The following AKAIN1 variants were observed in gnomAD, a reference collection of about 807,000 sequenced individuals.
AKAIN1 encodes A-kinase anchor protein inhibitor 1.
AKAIN1 carries 3 observed loss-of-function variants against 3.7 expected under a neutral mutation model. The observed-to-expected ratio is 0.82, with a 90% CI of 0.37 to 2.12. AKAIN1 has a LOEUF of 2.12. AKAIN1 is among the 30% of genes most tolerant of loss of function. The pLI, the probability that AKAIN1 is intolerant of heterozygous loss-of-function variation, is 0.06. For missense variants in AKAIN1, 82 were observed against 82.7 expected (o/e 0.99, Z 0.03); for synonymous variants, 31 against 30.8 (o/e 1.01, Z -0.02).
At chr18:5,189,428 T>C (rs2071306464) in intron 1 of AKAIN1, among the ~76,000 whole-genome samples, 1 of 152,232 alleles carries the variant, frequency 6.6e-6, no homozygotes, top group Admixed American at 6.5e-5. Flanking sequence ...TTCAAATTTT[T>C]CTGCTCTGCT....
chr18:5,152,139 AATT>A lies in AKAIN1; in HGVS notation c.17-6387_17-6385del, dbSNP rs148169984. ...CCAGGCTCTGGACAGAAATATAGTT[AATT>A]AAGCATCAGTCAGGCTGCGCTCTGG... On this transcript the variant is annotated intron_variant, in intron 1 of 1. Coordinates refer to ENST00000434239, the MANE Select transcript of AKAIN1 (RefSeq NM_001145194.2). 5.2e-3 allele frequency among the ~76,000 whole-genome samples: 792 copies of A among 152,286 alleles called. 5 individuals carry two copies. The highest frequency in any genetic ancestry group is 0.017 in the African/African-American group (702 of 41,562).
At chr18:5,186,243 G>A (rs2071286812) in intron 1 of AKAIN1, among the ~76,000 whole-genome samples, 1 of 152,048 alleles carries the variant, frequency 6.6e-6, no homozygotes, top group Non-Finnish European at 1.5e-5. Context: ...TGGGAGGAGG[G>A]AGAGTATAAA....
At chr18:5,170,294 C>A (rs1432343878) in intron 1 of AKAIN1, among the ~76,000 whole-genome samples, 1 of 152,120 alleles carries the variant, frequency 6.6e-6, no homozygotes. Context: ...GCATTCATTC[C>A]ATGTCTTCAT....
chr18:5,148,002 A>G (rs599322), intron 1 of AKAIN1, among the ~76,000 whole-genome samples: 84,782 of 152,124 alleles, frequency 0.56, 25,084 homozygotes, highest in East Asian at 0.81. Flanking sequence ...ACTTCACCTC[A>G]GTAAGCCTCT....
chr18:5,172,517 C>T (rs1258808077), intron 1 of AKAIN1, among the ~76,000 whole-genome samples: 1 of 151,926 alleles, frequency 6.6e-6, no homozygotes, highest in African/African-American at 2.4e-5. Flanking sequence ...TTTCTTGTGG[C>T]ATTGCAATGT....
intron 1 of AKAIN1, among the ~76,000 whole-genome samples, chr18:5,176,974 C>T (rs1487502546): frequency 6.6e-6 from 1 of 152,042 alleles, no homozygotes; most frequent in African/African-American, 2.4e-5. Flanking sequence ...CCCACTGTGG[C>T]TTCAGGATAT....
rs537498612 is a variant in AKAIN1 at position 5,189,713 on chromosome 18, CT to C, written c.16+7324del. Among the ~76,000 whole-genome samples, 269 of 151,914 alleles carry C rather than the reference CT, an allele frequency of 1.8e-3. 1 individual carries two copies. Among genetic ancestry groups the C allele is most frequent in the African/African-American group, 5.6e-3 (233 of 41,456 alleles). Reference sequence around the variant, plus strand: ...TCTACCAACATTCTGGTCACAACCACTTAAACAATCTCTGAGAAATTTCAGA... The same window carrying C: ...TCTACCAACATTCTGGTCACAACCACTAAACAATCTCTGAGAAATTTCAGA... On this transcript the variant is annotated intron_variant, in intron 1 of 1. Transcript: ENST00000434239.
At chr18:5,149,838 A>C (rs1233722979) in intron 1 of AKAIN1, among the ~76,000 whole-genome samples, 1 of 151,912 alleles carries the variant, frequency 6.6e-6, no homozygotes, top group Non-Finnish European at 1.5e-5. Context: ...GCAGTGTTTT[A>C]TTTTTGTTTT....
At chr18:5,155,198 G>A (rs2071100626) in intron 1 of AKAIN1, among the ~76,000 whole-genome samples, 1 of 152,082 alleles carries the variant, frequency 6.6e-6, no homozygotes, top group Non-Finnish European at 1.5e-5. Flanking sequence ...CTTCCTTTGG[G>A]ATAAGAGACC....
intron 1 of AKAIN1, among the ~76,000 whole-genome samples, chr18:5,150,871 A>G (rs1202411417): frequency 1.3e-5 from 2 of 152,212 alleles, no homozygotes; most frequent in South Asian, 2.1e-4. Flanking sequence ...ACTTACATCA[A>G]TTTTCCCCCC....
chr18:5,145,645 G>C lies in AKAIN1; in HGVS notation c.127C>G (p.Arg43Gly). 2 of 1,551,618 alleles carry C rather than the reference G, an allele frequency of 1.3e-6. No individual in the cohort carries two copies. The highest frequency in any genetic ancestry group is 1.7e-6 in the Non-Finnish European group (2 of 1,146,936). Residue 43 changes from arginine to glycine, a missense_variant, in exon 2 of 2, where the codon CGC becomes GGC. Coordinates refer to ENST00000434239, the MANE Select transcript of AKAIN1 (RefSeq NM_001145194.2). ...AVQQVSQESQ[R>G]REERISDNRD... is the part of the protein sequence containing the mutation. ...TTGTCACTGATTCTCTCTTCTCTGCGCTGACTCTCCTGGGAGACTTGCTGC... is the reference window on the plus strand; with the variant it reads ...TTGTCACTGATTCTCTCTTCTCTGCCCTGACTCTCCTGGGAGACTTGCTGC...
intron 1 of AKAIN1, among the ~76,000 whole-genome samples, chr18:5,154,733 C>T (rs1248549730): frequency 6.6e-6 from 1 of 152,022 alleles, no homozygotes; most frequent in Non-Finnish European, 1.5e-5. Flanking sequence ...CAGAAACTAG[C>T]CCTCTCAAGA....
intron 1 of AKAIN1, among the ~76,000 whole-genome samples, chr18:5,182,366 T>C (rs1363687067): frequency 6.6e-6 from 1 of 152,120 alleles, no homozygotes; most frequent in Non-Finnish European, 1.5e-5. Context: ...ACATCAGTAA[T>C]AGCTTCCATT....
intron 1 of AKAIN1, among the ~76,000 whole-genome samples, chr18:5,186,487 G>C (rs1314292820): frequency 6.6e-6 from 1 of 152,006 alleles, no homozygotes; most frequent in African/African-American, 2.4e-5. Flanking sequence ...TCACCAAGAA[G>C]ACATAACAAT....
intron 1 of AKAIN1, among the ~76,000 whole-genome samples, chr18:5,154,305 T>C (rs912444907): frequency 6.6e-6 from 1 of 152,208 alleles, no homozygotes; most frequent in Non-Finnish European, 1.5e-5. Context: ...ATGAAAATAC[T>C]GTCTTGGAAA....
At chr18:5,197,426 G>A (rs1342741069), upstream of AKAIN1, 1 of 1,248,632 alleles carries the variant, frequency 8.0e-7, no homozygotes, top group African/African-American at 1.6e-5. The surrounding 1 kb of genome is among the most constrained non-coding windows in gnomAD (Gnocchi z 6.9). Context: ...CTTCCCGGCA[G>A]GGGACAGTGA....
chr18:5,181,289 C>T (rs993258976), intron 1 of AKAIN1, among the ~76,000 whole-genome samples: 1 of 152,026 alleles, frequency 6.6e-6, no homozygotes, highest in Non-Finnish European at 1.5e-5. Context: ...AAGACCTCAT[C>T]TCAAAAAGAA....
chr18:5,150,330 A>G (rs1022229685), intron 1 of AKAIN1, among the ~76,000 whole-genome samples: 1 of 152,218 alleles, frequency 6.6e-6, no homozygotes, highest in Non-Finnish European at 1.5e-5. Context: ...AAGACTCACC[A>G]TTGATTTCTA....
intron 1 of AKAIN1, among the ~76,000 whole-genome samples, chr18:5,169,623 C>T (rs1023765443): frequency 6.6e-6 from 1 of 152,196 alleles, no homozygotes; most frequent in Middle Eastern, 3.4e-3. Context: ...TAATGTTTGA[C>T]GAGGCCAGCA....
Sources: gnomAD v4.1 joint callset for allele counts (sites outside exome capture counted in the v4.1 genomes callset) on GRCh38, gnomAD v4.1.1 for gene constraint, Gnocchi (gnomAD v3.1) non-coding constraint, MANE v1.5 for transcripts, NCBI Gene and HGNC (gene_info 2026-07-23, HGNC 2026-07-21) for gene names.